Variants in MAF observed in about 807,000 individuals in gnomAD.
MAF encodes transcription factor Maf.
Under a neutral mutation model 22.0 loss-of-function variants are expected in MAF, and 10 were observed. The ratio of observed to expected loss-of-function variants is 0.45; its 90% CI spans 0.28 to 0.77. The LOEUF is 0.77. Ranked by LOEUF, MAF falls within the 30% of genes least tolerant of loss-of-function variation. The pLI, the probability that MAF is intolerant of heterozygous loss-of-function variation, is 0.12. For synonymous variants in MAF, 337 were observed against 255.8 expected, an observed-to-expected ratio of 1.32 and a Z score of -3.03; for missense variants, 544 against 548.4, an observed-to-expected ratio of 0.99 and a Z score of 0.08.
At chr16:79,207,491 A>T in the MAF span, among the ~76,000 whole-genome samples, 1 of 152,314 alleles carries the variant, frequency 6.6e-6, no homozygotes, top group South Asian at 2.1e-4. Context: ...TCATAACTCT[A>T]CTTTTTGCAT....
chr16:79,358,988 C>T, the MAF span, among the ~76,000 whole-genome samples: 433 of 152,280 alleles, frequency 2.8e-3, 4 homozygotes, highest in African/African-American at 0.01. Context: ...CCGGAATGAA[C>T]AGAAAGGCTC....
In MAF at chr16:79,598,854, T is replaced by G; in HGVS notation, c.1049A>C (p.Lys350Thr). 1 of 1,613,736 alleles carries G rather than the reference T, an allele frequency of 6.2e-7. No individual in the cohort carries two copies. The highest frequency in any genetic ancestry group is 8.5e-7 in the Non-Finnish European group (1 of 1,179,952). ...TTCTCGGAAGCCGCTGCTCACCAAC[T>G]TCTCGTATTTCTCCTTGTACGCGTC... is the stretch of plus-strand genomic sequence containing the variant. ...ERDAYKEKYEKLVSSGFRENG... is the reference protein window; with the variant it reads ...ERDAYKEKYETLVSSGFRENG... Residue 350 changes from lysine to threonine, a missense_variant, in exon 1 of 2, where the codon AAG becomes ACG. By Grantham distance (78) the Lys-to-Thr change is moderately conservative. Transcript: ENST00000326043.
downstream of MAF, among the ~76,000 whole-genome samples, chr16:79,582,715 G>C (rs1912596667): frequency 6.6e-6 from 1 of 152,180 alleles, no homozygotes; most frequent in Non-Finnish European, 1.5e-5. Flanking sequence ...AAATTGTTTG[G>C]CCTTATTTTC....
chr16:79,311,419 C>G, the MAF span, among the ~76,000 whole-genome samples: 10 of 151,108 alleles, frequency 6.6e-5, no homozygotes, highest in Admixed American at 6.6e-4. Flanking sequence ...TTTTCCAGAG[C>G]TGTTTGGAAT....
chr16:79,464,191 A>C, the MAF span, among the ~76,000 whole-genome samples: 1 of 152,164 alleles, frequency 6.6e-6, no homozygotes, highest in East Asian at 1.9e-4. Context: ...TTAAACATTA[A>C]TTTTGGAATA....
chr16:79,526,608 G>C, the MAF span, among the ~76,000 whole-genome samples: 1 of 152,170 alleles, frequency 6.6e-6, no homozygotes, highest in Non-Finnish European at 1.5e-5. Flanking sequence ...CAGGTTAGCG[G>C]TATGCTGGTA....
chr16:79,255,713 G>T, the MAF span, among the ~76,000 whole-genome samples: 1 of 152,114 alleles, frequency 6.6e-6, no homozygotes, highest in Non-Finnish European at 1.5e-5. Context: ...CACCTGCTTG[G>T]CCATCAGAGG....
At chr16:79,366,785 A>C in the MAF span, among the ~76,000 whole-genome samples, 2 of 152,262 alleles carry the variant, frequency 1.3e-5, no homozygotes, top group Non-Finnish European at 2.9e-5. Context: ...GATCAGAGCA[A>C]GAAATAAGCC....
chr16:79,375,316 A>T, the MAF span, among the ~76,000 whole-genome samples: 4 of 152,148 alleles, frequency 2.6e-5, no homozygotes, highest in African/African-American at 9.7e-5. Context: ...AATAAGAGAG[A>T]ATCCCTCCTC....
the MAF span, among the ~76,000 whole-genome samples, chr16:79,411,118 A>G: frequency 6.6e-6 from 1 of 151,892 alleles, no homozygotes; most frequent in Non-Finnish European, 1.5e-5. Context: ...GTCCCATTTT[A>G]GTTTCCACTC....
the MAF span, among the ~76,000 whole-genome samples, chr16:79,240,852 G>C: frequency 6.6e-6 from 1 of 152,018 alleles, no homozygotes; most frequent in Non-Finnish European, 1.5e-5. Flanking sequence ...GGAAGAAACA[G>C]GCAGCCATCT....
At chr16:79,340,829 C>T in the MAF span, among the ~76,000 whole-genome samples, 6 of 152,146 alleles carry the variant, frequency 3.9e-5, no homozygotes, top group Admixed American at 2.0e-4. Flanking sequence ...AAATCGCCCC[C>T]TCATTCCCCA....
At chr16:79,473,772 G>T in the MAF span, among the ~76,000 whole-genome samples, 1 of 152,126 alleles carries the variant, frequency 6.6e-6, no homozygotes, top group African/African-American at 2.4e-5. Context: ...GACTGAAATG[G>T]ATTTTACACT....
the MAF span, among the ~76,000 whole-genome samples, chr16:79,357,128 C>T: frequency 6.6e-6 from 1 of 152,126 alleles, no homozygotes; most frequent in Non-Finnish European, 1.5e-5. Context: ...CAGTGGCATG[C>T]GCCTACAGTC....
chr16:79,302,880 T>C, the MAF span, among the ~76,000 whole-genome samples: 1 of 152,218 alleles, frequency 6.6e-6, no homozygotes, highest in African/African-American at 2.4e-5. Flanking sequence ...TGTTTGTCTG[T>C]TTAATGTAAC....
chr16:79,598,614 T>G, intron 1 of MAF, 171 bp downstream of exon 1: 1 of 1,393,896 alleles, frequency 7.2e-7, no homozygotes, highest in Non-Finnish European at 9.5e-7. Context: ...GTGTGTGGTG[T>G]GTGCGTGCGG....
At chr16:79,214,758 T>A in the MAF span, among the ~76,000 whole-genome samples, 42,497 of 91,920 alleles carry the variant, frequency 0.46, 12,740 homozygotes, top group Non-Finnish European at 0.61. Flanking sequence ...TGTTGCCCAG[T>A]CTAGAGTGCA....
chr16:79,271,855 G>C, the MAF span, among the ~76,000 whole-genome samples: 1 of 152,220 alleles, frequency 6.6e-6, no homozygotes, highest in East Asian at 1.9e-4. Flanking sequence ...TGATGAGGAA[G>C]AAGGTGCTGC....
chr16:79,281,290 C>T, the MAF span, among the ~76,000 whole-genome samples: 1 of 150,274 alleles, frequency 6.7e-6, no homozygotes, highest in Non-Finnish European at 1.5e-5. Flanking sequence ...CAGCTAATCC[C>T]AAAGTCTAGG....
Sources: allele counts gnomAD v4.1 joint callset (sites outside exome capture counted in the v4.1 genomes callset), GRCh38; gene constraint gnomAD v4.1.1; transcripts MANE v1.5; gene names NCBI Gene and HGNC (gene_info 2026-07-23, HGNC 2026-07-21).